The following ERG variants were observed in gnomAD, a reference collection of about 807,000 sequenced individuals.
ERG encodes transcriptional regulator ERG.
ERG carries 9 observed loss-of-function variants against 55.3 expected under a neutral mutation model. The ratio of observed to expected loss-of-function variants is 0.16; its 90% CI spans 0.10 to 0.28. The LOEUF is 0.28. Among genes scored for constraint, ERG ranks in the 10% least tolerant of loss-of-function variants. The probability of loss-of-function intolerance (pLI) is 1.00; values close to 1 mark genes in which losing one functional copy is unlikely to be tolerated. For missense variants in ERG, 434 were observed against 631.6 expected (o/e 0.69, Z 3.35); for synonymous variants, 223 against 237.3 (o/e 0.94, Z 0.55).
At chr21:38,528,872 A>C (rs2059651533) in intron 2 of ERG, among the ~76,000 whole-genome samples, 1 of 152,250 alleles carries the variant, frequency 6.6e-6, no homozygotes, top group African/African-American at 2.4e-5. Flanking sequence ...TATTAGCATT[A>C]ATAATAGAAT....
At chr21:38,564,339 A>G (rs1434530617) in intron 2 of ERG, among the ~76,000 whole-genome samples, 1 of 152,226 alleles carries the variant, frequency 6.6e-6, no homozygotes, top group Non-Finnish European at 1.5e-5. Context: ...AGGGAAAAAT[A>G]AAAAGAATTA....
At chr21:38,570,122 A>G (rs1346783970) in intron 2 of ERG, among the ~76,000 whole-genome samples, 2 of 152,188 alleles carry the variant, frequency 1.3e-5, no homozygotes, top group African/African-American at 4.8e-5. Context: ...ACTAGGTAAC[A>G]CCAAGCCAAT....
At chr21:38,388,364 T>G (rs1664306882) in intron 9 of ERG, among the ~76,000 whole-genome samples, 1 of 152,178 alleles carries the variant, frequency 6.6e-6, no homozygotes, top group African/African-American at 2.4e-5. Flanking sequence ...ATATTTGGGA[T>G]AGAGATGTTG....
intron 1 of ERG, among the ~76,000 whole-genome samples, chr21:38,650,406 CAGG>C (rs146238908): frequency 0.021 from 3,170 of 152,224 alleles, 71 homozygotes; most frequent in East Asian, 0.12. Context: ...GAGGCTGAGG[CAGG>C]AGGACTGCCT....
At chr21:38,649,936 T>G (rs956749148) in intron 1 of ERG, among the ~76,000 whole-genome samples, 4 of 152,240 alleles carry the variant, frequency 2.6e-5, no homozygotes, top group Non-Finnish European at 5.9e-5. Context: ...GTCATGCTCC[T>G]TGGTCAGAGG....
In ERG at chr21:38,382,278, C is replaced by G. The variant is rs1987477442; in HGVS notation, c.*1125G>C. 9.5e-7 allele frequency: 1 copy of G among 1,052,958 alleles called. No individual in the cohort carries two copies. The highest frequency in any genetic ancestry group is 1.1e-6 in the Non-Finnish European group (1 of 871,318). 65.2% of individuals were successfully genotyped at this position (1,052,958 alleles called of 1,614,324 possible). ...TGTATACTTCATTCTGACAAACGCA[C>G]AGCGTTCGCGACTCAAAGGAAAACT... On this transcript the variant is annotated 3_prime_UTR_variant, in exon 10 of 10. Coordinates refer to ENST00000288319, the MANE Select transcript of ERG (RefSeq NM_182918.4).
intron 1 of ERG, among the ~76,000 whole-genome samples, chr21:38,626,620 C>T (rs2060326166): frequency 6.6e-6 from 1 of 152,068 alleles, no homozygotes. Flanking sequence ...CACTTATTTT[C>T]ATAACTTATT....
intron 1 of ERG, among the ~76,000 whole-genome samples, chr21:38,456,817 A>C (rs1415465353): frequency 6.6e-6 from 1 of 152,154 alleles, no homozygotes; most frequent in Non-Finnish European, 1.5e-5. Context: ...CCAGCACATA[A>C]ATATATCCTG....
At chr21:38,612,286 A>T (rs2060232242) in intron 1 of ERG, among the ~76,000 whole-genome samples, 1 of 152,204 alleles carries the variant, frequency 6.6e-6, no homozygotes, top group Admixed American at 6.5e-5. Context: ...CATTAATTTT[A>T]CCTTTCTTCT....
intron 3 of ERG, among the ~76,000 whole-genome samples, chr21:38,422,864 A>G (rs1490181647): frequency 6.6e-6 from 1 of 152,190 alleles, no homozygotes; most frequent in African/African-American, 2.4e-5. Flanking sequence ...TTATTTTTCC[A>G]GATAAGAGAA....
At chr21:38,568,539 A>C (rs1312165921) in intron 2 of ERG, among the ~76,000 whole-genome samples, 1 of 152,204 alleles carries the variant, frequency 6.6e-6, no homozygotes, top group East Asian at 1.9e-4. Context: ...CAAAGGGAAA[A>C]GGAAGCCAAG....
intron 1 of ERG, among the ~76,000 whole-genome samples, chr21:38,483,091 T>G (rs1228957249): frequency 6.6e-6 from 1 of 152,234 alleles, no homozygotes; most frequent in Non-Finnish European, 1.5e-5. Flanking sequence ...ATGATCTCAC[T>G]TATATGTAAA....
Position 38,383,928 on chromosome 21 carries a change from T to A in ERG, c.920-5A>T. 1 of 1,610,768 alleles carries A rather than the reference T, an allele frequency of 6.2e-7. No individual in the cohort carries two copies. The highest frequency in any genetic ancestry group is 2.2e-5 in the East Asian group (1 of 44,838). ...AAAGCTGGATCTGGCCACTGCCTAA[T>A]GAGGTCAGGAGAGGAAGGAAAACTC... On this transcript the variant is annotated splice_region_variant and splice_polypyrimidine_tract_variant and intron_variant, in intron 9 of 9. Coordinates refer to ENST00000288319, the MANE Select transcript of ERG (RefSeq NM_182918.4). This position sits in a 1 kb window ranked among gnomAD's most constrained non-coding sequence, Gnocchi z 5.7.
chr21:38,410,495 C>T (rs6517464), intron 3 of ERG, among the ~76,000 whole-genome samples: 132,618 of 152,230 alleles, frequency 0.87, 58,250 homozygotes, highest in Non-Finnish European at 0.94. Flanking sequence ...ATTTAAAAAA[C>T]AAATAAAAGT....
chr21:38,624,241 C>T (rs1026897118), intron 1 of ERG, among the ~76,000 whole-genome samples: 10 of 151,570 alleles, frequency 6.6e-5, no homozygotes, highest in Non-Finnish European at 1.3e-4. Flanking sequence ...CTCTGGCATA[C>T]GCCACTTAAA....
intron 1 of ERG, among the ~76,000 whole-genome samples, chr21:38,484,608 G>C (rs2059266918): frequency 6.6e-6 from 1 of 152,230 alleles, no homozygotes; most frequent in African/African-American, 2.4e-5. Context: ...CCACCAAATG[G>C]AATAACAGTT....
intron 1 of ERG, among the ~76,000 whole-genome samples, chr21:38,601,291 A>T (rs1039168065): frequency 2.0e-5 from 3 of 152,176 alleles, no homozygotes; most frequent in African/African-American, 7.2e-5. Context: ...TCAGTTGTAC[A>T]CTGTGGGCCC....
chr21:38,440,783 GTC>G (rs2058833857), intron 2 of ERG, among the ~76,000 whole-genome samples: 1 of 70,194 alleles, frequency 1.4e-5, no homozygotes, highest in African/African-American at 5.6e-5. Context: ...GAGCAAAACT[GTC>G]TCAAAAAAAA....
chr21:38,376,266 CT>C (rs1340540273), downstream of ERG, among the ~76,000 whole-genome samples: 1 of 152,178 alleles, frequency 6.6e-6, no homozygotes. Flanking sequence ...GGAGGGGTTT[CT>C]TCTAAAGAGA....
Sources: allele counts gnomAD v4.1 joint callset (sites outside exome capture counted in the v4.1 genomes callset), GRCh38; gene constraint gnomAD v4.1.1; non-coding constraint Gnocchi (gnomAD v3.1); transcripts MANE v1.5; gene names NCBI Gene and HGNC (gene_info 2026-07-23, HGNC 2026-07-21).